The following SLC1A7 variants were observed in gnomAD, a reference collection of about 807,000 sequenced individuals.
The protein encoded by SLC1A7 is excitatory amino acid transporter 5.
SLC1A7 carries 40 observed loss-of-function variants against 47.7 expected under a neutral mutation model. The observed-to-expected ratio is 0.84, with a 90% CI of 0.65 to 1.09. The LOEUF (loss-of-function observed/expected upper bound fraction) is 1.09. Among genes scored for constraint, SLC1A7 ranks in the 50% least tolerant of loss-of-function variants. SLC1A7 has a pLI of 0.00. For missense variants in SLC1A7, 746 were observed against 769.5 expected, an observed-to-expected ratio of 0.97 and a Z score of 0.36; for synonymous variants, 323 against 325.6, an observed-to-expected ratio of 0.99 and a Z score of 0.09.
rs1289040051 is a variant in SLC1A7 at position 53,114,903 on chromosome 1, A to G, written c.286T>C (p.Tyr96His). The change falls in exon 3 of 11, where the codon TAC becomes CAC. Residue 96 changes from tyrosine to histidine, a missense_variant. Physicochemically the swap from Tyr to His is moderately conservative, Grantham distance 83. Transcript: ENST00000371494. ...ACAGCCATGAAGGTGGTCCACAGGT[A>G]GTACGCCACGGTGAGGACGCCCAGG... ...SRLGVLTVAY[Y>H]LWTTFMAVIV... 6.2e-7 allele frequency: 1 copy of G among 1,614,060 alleles called. No homozygotes were observed. Among genetic ancestry groups the G allele is most frequent in the Non-Finnish European group, 8.5e-7 (1 of 1,180,024 alleles).
intron 1 of SLC1A7, among the ~76,000 whole-genome samples, chr1:53,136,613 T>TATATAAACATATATA (rs1446992168): frequency 0.072 from 553 of 7,708 alleles, 13 homozygotes; most frequent in Non-Finnish European, 0.078. Flanking sequence ...ACATATATAA[T>TATATAAACATATATA]ATATATAAAC....
At chr1:53,123,874 A>C (rs1644851785) in intron 2 of SLC1A7, among the ~76,000 whole-genome samples, 1 of 152,216 alleles carries the variant, frequency 6.6e-6, no homozygotes, top group Admixed American at 6.5e-5. Context: ...CCCAGGGCTC[A>C]CACCAGAAGG....
chr1:53,129,989 C>T (rs1644926343), intron 2 of SLC1A7, among the ~76,000 whole-genome samples: 1 of 152,184 alleles, frequency 6.6e-6, no homozygotes, highest in South Asian at 2.1e-4. Context: ...ATGAGTGGCT[C>T]TTCCGAATAG....
chr1:53,092,685 C>G lies in SLC1A7; in HGVS notation c.900G>C (p.Val300=), dbSNP rs2279275. ...GKKLGFYSVT[V]VCGLVLHGLF... ...GCCCGTGGAGCACCAGCCCGCACAC[C>G]ACGGTGACTGAGTAGAAGCCCAGCT... Residue 300 remains valine (V), a synonymous_variant, in exon 7 of 11, where the codon GTG becomes GTC. Transcript: ENST00000371494. The G allele has an allele frequency of 6.7e-3, 10,768 of 1,614,080 alleles. 669 individuals are homozygous for G. The East Asian group carries it at 0.16, about 24-fold the overall frequency.
intron 5 of SLC1A7, among the ~76,000 whole-genome samples, chr1:53,096,763 G>T (rs976895630): frequency 2.0e-5 from 3 of 147,972 alleles, no homozygotes; most frequent in East Asian, 4.1e-4. Flanking sequence ...CCCAGCCTTG[G>T]TACACTCACA....
rs1001129890 is a variant in SLC1A7 at position 53,137,402 on chromosome 1, A to G, written c.136-2973T>C. On this transcript the variant is annotated intron_variant, in intron 1 of 10. Transcript: ENST00000371494. ...CTCAGTTCTTCTAGCTGTTTCCCAT[A>G]GTATCACTATTTCTAGATAATATGG... is the stretch of plus-strand genomic sequence containing the variant. 2.6e-5 allele frequency among the ~76,000 whole-genome samples: 4 copies of G among 152,004 alleles called. No individual in the cohort carries two copies. The East Asian group carries it at 7.7e-4, about 29-fold the overall frequency.
chr1:53,101,121 A>AGTACACTCACACACC (rs1644572583), intron 5 of SLC1A7, among the ~76,000 whole-genome samples: 1 of 138,808 alleles, frequency 7.2e-6, no homozygotes, highest in Non-Finnish European at 1.6e-5. Context: ...ACTCACACAC[A>AGTACACTCACACACC]CTGCCGCAGT....
chr1:53,106,690 T>C (rs1040976377), intron 3 of SLC1A7, among the ~76,000 whole-genome samples: 1 of 151,962 alleles, frequency 6.6e-6, no homozygotes, highest in South Asian at 2.1e-4. Context: ...AAACAGAAAC[T>C]AGCACCTCTA....
rs751530739 is a variant in SLC1A7 at position 53,093,505 on chromosome 1, C to T, written c.753G>A (p.Gln251=). Residue 251 remains glutamine, a synonymous_variant, in exon 6 of 11, where the codon CAG becomes CAA. Transcript: ENST00000371494. ...DSGAPLVSFC[Q]CLNESVMKIV... ...TCTTCATGACCGACTCATTGAGGCACTGGCAGAAGCTGACCAGGGGGGCCC... is the reference window on the plus strand; with the variant it reads ...TCTTCATGACCGACTCATTGAGGCATTGGCAGAAGCTGACCAGGGGGGCCC... 1 of 1,610,982 alleles carries T rather than the reference C, an allele frequency of 6.2e-7. No individual in the cohort carries two copies. Among genetic ancestry groups the T allele is most frequent in the East Asian group, 2.2e-5 (1 of 44,856 alleles).
intron 1 of SLC1A7, among the ~76,000 whole-genome samples, chr1:53,138,075 C>T (rs1572354173): frequency 6.6e-6 from 1 of 152,150 alleles, no homozygotes; most frequent in Non-Finnish European, 1.5e-5. Flanking sequence ...ATTAGCCTGG[C>T]CATGTGTGAG....
intron 1 of SLC1A7, among the ~76,000 whole-genome samples, 169 bp from the exon 2 acceptor site, chr1:53,134,598 C>T (rs1644972733): frequency 6.6e-6 from 1 of 152,148 alleles, no homozygotes; most frequent in African/African-American, 2.4e-5. Context: ...GGGTTCCAAT[C>T]CTGGTAAACA....
chr1:53,131,308 C>T (rs1315819625), intron 2 of SLC1A7, among the ~76,000 whole-genome samples: 1 of 152,196 alleles, frequency 6.6e-6, no homozygotes, highest in Non-Finnish European at 1.5e-5. Context: ...ACCCTGGCCT[C>T]TGACTTCTGA....
At chr1:53,121,859 CT>C (rs1299711064) in intron 2 of SLC1A7, among the ~76,000 whole-genome samples, 1 of 152,178 alleles carries the variant, frequency 6.6e-6, no homozygotes, top group African/African-American at 2.4e-5. Context: ...GGTGGGCCCC[CT>C]GCCTGTGGCT....
chr1:53,136,243 C>T lies in SLC1A7; in HGVS notation c.136-1814G>A, dbSNP rs999772990. On this transcript the variant is annotated intron_variant, in intron 1 of 10. Coordinates refer to ENST00000371494, the MANE Select transcript of SLC1A7 (RefSeq NM_006671.6). ...CTTGCTCTGTCACCAGGCTGGAGTG[C>T]AGTGCAGTGGTGCCATCTCGGCTCA... Among the ~76,000 whole-genome samples, 6 of 147,796 alleles carry T rather than the reference C, an allele frequency of 4.1e-5. No individual in the cohort carries two copies. In the South Asian group the frequency reaches 1.3e-3, roughly 31 times the overall value.
chr1:53,141,780 G>A (rs753997966), intron 1 of SLC1A7, among the ~76,000 whole-genome samples: 10 of 151,950 alleles, frequency 6.6e-5, no homozygotes, highest in Non-Finnish European at 1.3e-4. Context: ...CAGCACCTGA[G>A]GGGTCTCCCA....
Position 53,087,659 on chromosome 1 carries a change from G to A in SLC1A7, c.*350C>T, listed in dbSNP as rs1197390554. On this transcript the variant is annotated 3_prime_UTR_variant, in exon 11 of 11. Transcript: ENST00000371494. ...TTTGAGTTAGTGTCTTGACCTTAAC[G>A]TGAGACCTTGGACAAGTGTTTTCAG... 5.6e-6 allele frequency: 1 copy of A among 178,440 alleles called. No individual in the cohort carries two copies. The highest frequency in any genetic ancestry group is 6.2e-5 in the Admixed American group (1 of 16,136). The allele number at this position is 178,440 out of a possible 1,614,324, so 11.1% of individuals were successfully genotyped here. A position where few individuals can be genotyped will look rare whatever the true frequency, so the allele number is the denominator to read the frequency against.
intron 3 of SLC1A7, among the ~76,000 whole-genome samples, chr1:53,114,336 A>G (rs1474759726): frequency 6.6e-6 from 1 of 152,188 alleles, no homozygotes; most frequent in Non-Finnish European, 1.5e-5. Context: ...TTGGAGTCAG[A>G]CAGGACTAGG....
intron 7 of SLC1A7, 129 bp from the exon 8 acceptor site, chr1:53,090,935 G>C (rs764970287): frequency 6.5e-7 from 1 of 1,536,836 alleles, no homozygotes. Context: ...GCGCTGCTCC[G>C]GCAGGAGGTA....
chr1:53,110,451 G>C (rs2150329939), intron 3 of SLC1A7, among the ~76,000 whole-genome samples: 1 of 152,236 alleles, frequency 6.6e-6, no homozygotes, highest in Admixed American at 6.5e-5. Flanking sequence ...GGTAGGGCTG[G>C]GGCGTGGGGG....
Sources: allele counts gnomAD v4.1 joint callset (sites outside exome capture counted in the v4.1 genomes callset), GRCh38; gene constraint gnomAD v4.1.1; transcripts MANE v1.5; gene names NCBI Gene and HGNC (gene_info 2026-07-23, HGNC 2026-07-21).